The following KIAA1958 variants were observed in gnomAD, a reference collection of about 807,000 sequenced individuals.
The protein encoded by KIAA1958 is KIAA1958, also known as uncharacterized protein KIAA1958.
Under a neutral mutation model 47.2 loss-of-function variants are expected in KIAA1958, and 14 were observed. The observed-to-expected ratio is 0.30, with a 90% CI of 0.20 to 0.46. The LOEUF (loss-of-function observed/expected upper bound fraction) is 0.46, where lower values mean the gene tolerates loss of function less well. KIAA1958 is among the 20% of genes least tolerant of loss of function. The pLI, the probability that KIAA1958 is intolerant of heterozygous loss-of-function variation, is 1.00. For missense variants in KIAA1958, 803 were observed against 909.2 expected (o/e 0.88, Z 1.50); for synonymous variants, 354 against 353.3 (o/e 1.00, Z -0.02).
intron 1 of KIAA1958, among the ~76,000 whole-genome samples, chr9:112,507,796 CTCTT>C (rs1451264269): frequency 1.1e-4 from 16 of 151,376 alleles, no homozygotes; most frequent in Middle Eastern, 3.4e-3. Flanking sequence ...CTTTTTCTTT[CTCTT>C]TCTTTCTTTT....
At chr9:112,493,032 C>T (rs1340564486) in intron 1 of KIAA1958, among the ~76,000 whole-genome samples, 1 of 151,572 alleles carries the variant, frequency 6.6e-6, no homozygotes, top group African/African-American at 2.4e-5. Flanking sequence ...GATTACAGGC[C>T]TGAGCCACTG....
chr9:112,610,931 C>G (rs1836317632), intron 2 of KIAA1958, among the ~76,000 whole-genome samples: 1 of 152,110 alleles, frequency 6.6e-6, no homozygotes. Context: ...TTAAATAATG[C>G]TTCTACATTA....
Position 112,663,870 on chromosome 9 carries a change from A to T in KIAA1958, c.*3801A>T, listed in dbSNP as rs1045837895. ...AAGCTTATTAAAAGCATCAAGCATT[A>T]TATGCCACACTCAGCATTTTCATAG... On this transcript the variant is annotated 3_prime_UTR_variant, in exon 4 of 4. Transcript: ENST00000337530. 3.9e-5 allele frequency: 6 copies of T among 152,262 alleles called. No individual in the cohort carries two copies. The highest frequency in any genetic ancestry group is 7.3e-5 in the Non-Finnish European group (5 of 68,048). 9.4% of individuals were successfully genotyped at this position (152,262 alleles called of 1,614,324 possible). A position where few individuals can be genotyped will look rare whatever the true frequency, so the allele number is the denominator to read the frequency against.
chr9:112,487,585 G>A (rs1032715276), intron 1 of KIAA1958, among the ~76,000 whole-genome samples: 1 of 152,174 alleles, frequency 6.6e-6, no homozygotes, highest in African/African-American at 2.4e-5. Flanking sequence ...TCAGGGCTCT[G>A]CCCCACTAGT....
At chr9:112,535,038 T>G (rs914472921) in intron 1 of KIAA1958, among the ~76,000 whole-genome samples, 2 of 152,376 alleles carry the variant, frequency 1.3e-5, no homozygotes, top group East Asian at 1.9e-4. Context: ...GATACATGTA[T>G]GCATTGTAGA....
chr9:112,647,986 C>A (rs1837003833), intron 3 of KIAA1958, among the ~76,000 whole-genome samples: 1 of 152,306 alleles, frequency 6.6e-6, no homozygotes, highest in Non-Finnish European at 1.5e-5. Flanking sequence ...TTGTAAATTT[C>A]ACAATTTCTA....
At chr9:112,641,037 C>T (rs1374023954) in intron 2 of KIAA1958, among the ~76,000 whole-genome samples, 4 of 152,060 alleles carry the variant, frequency 2.6e-5, no homozygotes, top group Non-Finnish European at 4.4e-5. Context: ...ATATACAGTC[C>T]TTTAACAATT....
intron 2 of KIAA1958, among the ~76,000 whole-genome samples, chr9:112,634,613 G>A (rs1836772285): frequency 6.6e-6 from 1 of 152,124 alleles, no homozygotes; most frequent in Non-Finnish European, 1.5e-5. Context: ...GAGGGTACAT[G>A]GGCAGGTTTG....
intron 1 of KIAA1958, among the ~76,000 whole-genome samples, chr9:112,525,917 C>A (rs1013429596): frequency 9.0e-6 from 1 of 110,952 alleles, no homozygotes; most frequent in African/African-American, 3.4e-5. Flanking sequence ...CATTTATATT[C>A]TTTCTTCTTC....
chr9:112,487,938 T>TGTGTGC lies in KIAA1958; in HGVS notation c.-25+825_-25+826insCGTGTG, dbSNP rs1161496820. ...GATTTTTACAATTATATGTATTTAG[T>TGTGTGC]GTGTGTGCGTGTGTGTGTGTGTGTG... On this transcript the variant is annotated intron_variant, in intron 1 of 3. Transcript: ENST00000337530. Among the ~76,000 whole-genome samples the TGTGTGC allele has an allele frequency of 6.2e-5, 5 of 80,596 alleles. No homozygotes were observed. In the East Asian group the frequency reaches 1.8e-3, roughly 29 times the overall value. 52.9% of individuals were successfully genotyped at this position (80,596 alleles called of 152,430 possible).
At chr9:112,531,985 C>T (rs1834758968) in intron 1 of KIAA1958, among the ~76,000 whole-genome samples, 1 of 152,178 alleles carries the variant, frequency 6.6e-6, no homozygotes, top group Admixed American at 6.5e-5. Context: ...GCTGTCAGAC[C>T]TCAATTTGAG....
chr9:112,524,352 G>A (rs897990030), intron 1 of KIAA1958, among the ~76,000 whole-genome samples: 3 of 152,362 alleles, frequency 2.0e-5, no homozygotes, highest in East Asian at 3.9e-4. Context: ...TGGCTTTGGC[G>A]TGCTCCGCGC....
chr9:112,638,891 A>G (rs917642846), intron 2 of KIAA1958, among the ~76,000 whole-genome samples: 1 of 152,024 alleles, frequency 6.6e-6, no homozygotes, highest in Non-Finnish European at 1.5e-5. Flanking sequence ...CTTGTTACCC[A>G]TTTATTGAAT....
At chr9:112,563,120 A>G (rs1268949417) in intron 1 of KIAA1958, among the ~76,000 whole-genome samples, 1 of 134,308 alleles carries the variant, frequency 7.4e-6, no homozygotes, top group Admixed American at 7.5e-5. Context: ...AATTGAGACA[A>G]ATTTTCACAG....
chr9:112,588,585 G>A (rs749151341), intron 2 of KIAA1958, among the ~76,000 whole-genome samples: 5 of 152,202 alleles, frequency 3.3e-5, no homozygotes, highest in Non-Finnish European at 7.3e-5. Context: ...GTGCAGAAGT[G>A]TATCTTAGAA....
intron 1 of KIAA1958, among the ~76,000 whole-genome samples, chr9:112,568,060 G>A (rs1312598809): frequency 2.7e-5 from 4 of 149,626 alleles, no homozygotes; most frequent in Non-Finnish European, 5.9e-5. Flanking sequence ...TTTTATTTGA[G>A]AAACATAAAA....
chr9:112,661,614 T>G lies in KIAA1958; in HGVS notation c.*1545T>G, dbSNP rs1299855851. 1.3e-5 allele frequency: 2 copies of G among 152,234 alleles called. No individual in the cohort carries two copies. The highest frequency in any genetic ancestry group is 2.4e-5 in the African/African-American group (1 of 41,474). 9.4% of individuals were successfully genotyped at this position (152,234 alleles called of 1,614,324 possible). On this transcript the variant is annotated 3_prime_UTR_variant, in exon 4 of 4. Coordinates refer to ENST00000337530, the MANE Select transcript of KIAA1958 (RefSeq NM_133465.4). ...ATCATACACTAGTCATTGACATATG[T>G]AATACTTCCTTTACCAGAGAAGACT...
intron 2 of KIAA1958, among the ~76,000 whole-genome samples, chr9:112,602,916 G>A (rs1282996740): frequency 1.3e-5 from 2 of 152,184 alleles, no homozygotes. Flanking sequence ...GATAAGTGAA[G>A]TGAAGTTGTG....
chr9:112,619,825 T>C (rs1836469748), intron 2 of KIAA1958, among the ~76,000 whole-genome samples: 1 of 152,154 alleles, frequency 6.6e-6, no homozygotes, highest in Admixed American at 6.6e-5. Flanking sequence ...AGGTGGAAAG[T>C]CTTACTAAAA....
Sources: gnomAD v4.1 joint callset for allele counts (sites outside exome capture counted in the v4.1 genomes callset) on GRCh38, gnomAD v4.1.1 for gene constraint, MANE v1.5 for transcripts, NCBI Gene and HGNC (gene_info 2026-07-23, HGNC 2026-07-21) for gene names.